The following ZBTB16 variants were observed in gnomAD, a reference collection of about 807,000 sequenced individuals.
The protein encoded by ZBTB16 is zinc finger and BTB domain-containing protein 16.
Under a neutral mutation model 56.8 loss-of-function variants are expected in ZBTB16, and 8 were observed. The observed-to-expected ratio is 0.14, with a 90% confidence interval of 0.08 to 0.25. ZBTB16 has a LOEUF of 0.25. Among genes scored for constraint, ZBTB16 ranks in the 10% least tolerant of loss-of-function variants. The pLI is 1.00. For missense variants in ZBTB16, 625 were observed against 903.0 expected, an observed-to-expected ratio of 0.69 and a Z score of 3.95; for synonymous variants, 363 against 368.5, an observed-to-expected ratio of 0.98 and a Z score of 0.17.
intron 2 of ZBTB16, among the ~76,000 whole-genome samples, chr11:114,104,031 G>C (rs757294273): frequency 6.6e-6 from 1 of 152,176 alleles, no homozygotes; most frequent in Non-Finnish European, 1.5e-5. Flanking sequence ...ATTTTGGCCA[G>C]GGTGCCCAGT....
intron 4 of ZBTB16, among the ~76,000 whole-genome samples, chr11:114,211,401 A>C (rs1304050115): frequency 1.3e-5 from 2 of 151,992 alleles, no homozygotes; most frequent in Non-Finnish European, 2.9e-5. Flanking sequence ...CCCCCCACCT[A>C]CCTTCCTTAT....
At chr11:114,094,072 T>C (rs1464785059) in intron 2 of ZBTB16, among the ~76,000 whole-genome samples, 1 of 152,092 alleles carries the variant, frequency 6.6e-6, no homozygotes, top group Non-Finnish European at 1.5e-5. Context: ...TCCCAGCACT[T>C]TGGGAGGCCG....
chr11:114,249,485 G>T (rs61904706), intron 6 of ZBTB16, among the ~76,000 whole-genome samples: 2 of 125,714 alleles, frequency 1.6e-5, no homozygotes, highest in South Asian at 2.6e-4. Context: ...AAAAAAAAAG[G>T]CCGGGCGCGG....
At chr11:114,102,267 C>G (rs1013865868) in intron 2 of ZBTB16, among the ~76,000 whole-genome samples, 140 of 152,132 alleles carry the variant, frequency 9.2e-4, no homozygotes, top group African/African-American at 3.3e-3. Flanking sequence ...GCTTTCTTAT[C>G]GTGGCTGTAA....
chr11:114,064,707 A>C lies in ZBTB16; in HGVS notation c.1268+139A>C. 1.7e-6 allele frequency: 2 copies of C among 1,187,316 alleles called. No homozygotes were observed. The highest frequency in any genetic ancestry group is 2.7e-5 in the South Asian group (2 of 75,360). The allele number at this position is 1,187,316 out of a possible 1,614,324, so 73.5% of individuals were successfully genotyped here. A position where few individuals can be genotyped will look rare whatever the true frequency, so the allele number is the denominator to read the frequency against. On this transcript the variant is annotated intron_variant, in intron 2 of 6. Coordinates refer to ENST00000335953, the MANE Select transcript of ZBTB16 (RefSeq NM_006006.6). This position sits in a 1 kb window ranked among gnomAD's most constrained non-coding sequence, Gnocchi z 4.2. ...TGAAAAAACCAGAACACTTCTTCTA[A>C]AGTTCTGGCGGGGAGGGGAGCAGGT...
chr11:114,209,282 C>A, intron 4 of ZBTB16: 1 of 664,810 alleles, frequency 1.5e-6, no homozygotes, highest in Non-Finnish European at 1.9e-6. Flanking sequence ...GATTTGCTGG[C>A]CATTTCTTGT....
intron 4 of ZBTB16, among the ~76,000 whole-genome samples, chr11:114,222,153 T>G (rs400920): frequency 0.68 from 102,838 of 152,030 alleles, 35,016 homozygotes; most frequent in South Asian, 0.75. Flanking sequence ...TCACAGAACT[T>G]CCATCTGGGT....
At chr11:114,221,463 AG>A (rs1413853349) in intron 4 of ZBTB16, among the ~76,000 whole-genome samples, 4 of 152,242 alleles carry the variant, frequency 2.6e-5, no homozygotes, top group African/African-American at 9.6e-5. Context: ...GTGCATATTA[AG>A]CAAATGACAG....
At chr11:114,238,380 T>A (rs1944637512) in intron 4 of ZBTB16, among the ~76,000 whole-genome samples, 1 of 152,024 alleles carries the variant, frequency 6.6e-6, no homozygotes, top group Non-Finnish European at 1.5e-5. Context: ...CATGCATTTC[T>A]CACAGCTCTG....
chr11:114,140,053 CCATTAGCTT>C (rs1164119866), intron 2 of ZBTB16, among the ~76,000 whole-genome samples: 2 of 151,852 alleles, frequency 1.3e-5, no homozygotes, highest in African/African-American at 4.9e-5. Flanking sequence ...CCTCTTTTCT[CCATTAGCTT>C]TCTGGTCTAA....
chr11:114,212,234 C>A (rs491823), intron 4 of ZBTB16, among the ~76,000 whole-genome samples: 101,820 of 151,970 alleles, frequency 0.67, 37,417 homozygotes, highest in East Asian at 0.95. Flanking sequence ...AATTAAAAGT[C>A]GCAGGAAAAT....
chr11:114,229,218 T>C (rs1239871416), intron 4 of ZBTB16, among the ~76,000 whole-genome samples: 1 of 152,222 alleles, frequency 6.6e-6, no homozygotes, highest in East Asian at 1.9e-4. Context: ...TTCATCAGAC[T>C]GCATTTTAAA....
intron 4 of ZBTB16, among the ~76,000 whole-genome samples, chr11:114,241,685 G>T (rs1944706559): frequency 6.6e-6 from 1 of 152,168 alleles, no homozygotes; most frequent in Non-Finnish European, 1.5e-5. Flanking sequence ...CAGTCTCCTT[G>T]TCTAAGGGAT....
chr11:114,084,240 A>G (rs1428714928), intron 2 of ZBTB16, among the ~76,000 whole-genome samples: 2 of 152,016 alleles, frequency 1.3e-5, no homozygotes, highest in Non-Finnish European at 2.9e-5. Context: ...TTTAGCTTGA[A>G]TGGGTGGTCA....
intron 3 of ZBTB16, among the ~76,000 whole-genome samples, chr11:114,160,087 G>C (rs765807898): frequency 3.3e-5 from 5 of 152,094 alleles, no homozygotes; most frequent in Non-Finnish European, 7.4e-5. Context: ...AGAGCCGAAC[G>C]GCTCTCACTT....
At chr11:114,150,511 A>G (rs1942255184) in intron 2 of ZBTB16, among the ~76,000 whole-genome samples, 1 of 152,164 alleles carries the variant, frequency 6.6e-6, no homozygotes, top group South Asian at 2.1e-4. Context: ...AGGAGAATGG[A>G]CTGAATATGG....
chr11:114,235,592 C>T (rs753946516), intron 4 of ZBTB16, among the ~76,000 whole-genome samples: 11 of 152,130 alleles, frequency 7.2e-5, no homozygotes, highest in Non-Finnish European at 4.4e-5. Context: ...GCCTGGCTTT[C>T]TCCCTTTCTC....
At chr11:114,239,764 C>T (rs1333303610) in intron 4 of ZBTB16, among the ~76,000 whole-genome samples, 1 of 152,164 alleles carries the variant, frequency 6.6e-6, no homozygotes, top group Non-Finnish European at 1.5e-5. Context: ...GTACTAGAGG[C>T]AGGAGTCCTC....
chr11:114,170,956 C>A (rs537359436), intron 3 of ZBTB16, among the ~76,000 whole-genome samples: 1 of 152,156 alleles, frequency 6.6e-6, no homozygotes, highest in Non-Finnish European at 1.5e-5. Flanking sequence ...CTGAATATCC[C>A]GGATCTCCCA....
Sources: allele counts gnomAD v4.1 joint callset (sites outside exome capture counted in the v4.1 genomes callset), GRCh38; gene constraint gnomAD v4.1.1; non-coding constraint Gnocchi (gnomAD v3.1); transcripts MANE v1.5; gene names NCBI Gene and HGNC (gene_info 2026-07-23, HGNC 2026-07-21).